ZC3H8: variants seen among roughly 807,000 people sequenced by gnomAD.
ZC3H8 encodes zinc finger CCCH domain-containing protein 8.
In ZC3H8, 27 loss-of-function variants were observed where a neutral mutation model predicts 42.5. The observed-to-expected ratio is 0.64, with a 90% CI of 0.47 to 0.88. The LOEUF is 0.88. Among genes scored for constraint, ZC3H8 ranks in the 40% least tolerant of loss-of-function variants. The pLI is 0.00. For synonymous variants in ZC3H8, 101 were observed against 110.1 expected (o/e 0.92, Z 0.52); for missense variants, 277 against 336.1 (o/e 0.82, Z 1.37).
At position 112,241,009 on chromosome 2, in the gene ZC3H8, T is replaced by TTGTG. The variant is rs3048247; in HGVS notation, c.157-2485_157-2482dup. ...TGCGCGTGTGTATGTGTGTTGTGTT[T>TTGTG]TGTGTGTGTGTGTGTGTGTGTATGG... On this transcript the variant is annotated intron_variant, in intron 2 of 8. Transcript: ENST00000409573. 9.5e-3 allele frequency among the ~76,000 whole-genome samples: 1,389 copies of TTGTG among 145,544 alleles called. 16 individuals are homozygous for TTGTG. Among genetic ancestry groups the TTGTG allele is most frequent in the African/African-American group, 0.024 (941 of 39,398 alleles).
intron 4 of ZC3H8, among the ~76,000 whole-genome samples, chr2:112,235,658 G>C (rs1043473108): frequency 2.0e-5 from 3 of 152,076 alleles, no homozygotes; most frequent in Non-Finnish European, 4.4e-5. Flanking sequence ...CAGAAAAGTG[G>C]AATCCAGAAG....
At chr2:112,247,480 G>A (rs578192052) in intron 2 of ZC3H8, among the ~76,000 whole-genome samples, 88 of 152,350 alleles carry the variant, frequency 5.8e-4, no homozygotes, top group Non-Finnish European at 1.1e-3. Flanking sequence ...TCGGGAGGCT[G>A]AGGCAGGAGA....
chr2:112,247,884 G>A lies in ZC3H8; in HGVS notation c.156+2307C>T, dbSNP rs183531855. The stretch of plus-strand genomic sequence containing the variant: ...AAAAAACTTGTGGGAAGTTGAAGTT[G>A]CAATTTCTTGTCGTCAACCTTGGCT... On this transcript the variant is annotated intron_variant, in intron 2 of 8. Coordinates refer to ENST00000409573, the MANE Select transcript of ZC3H8 (RefSeq NM_032494.3). Among the ~76,000 whole-genome samples, 108 of 152,314 alleles carry A rather than the reference G, an allele frequency of 7.1e-4. 1 individual carries two copies. Among genetic ancestry groups the A allele is most frequent in the African/African-American group, 2.5e-3 (105 of 41,564 alleles).
rs1684849729 is a variant in ZC3H8 at position 112,226,588 on chromosome 2, T to TAAAAAAAA, written c.*15+4314_*15+4315insTTTTTTTT. On this transcript the variant is annotated intron_variant, in intron 8 of 8. Coordinates refer to ENST00000409573, the MANE Select transcript of ZC3H8 (RefSeq NM_032494.3). The stretch of plus-strand genomic sequence containing the variant: ...TGGGCAACAGAGCCAAGACTCCATC[T>TAAAAAAAA]CAAAAAAAAAAAAAAAAGCTCAGGC... 5.5e-4 allele frequency among the ~76,000 whole-genome samples: 6 copies of TAAAAAAAA among 10,816 alleles called. 1 individual carries two copies. Among genetic ancestry groups the TAAAAAAAA allele is most frequent in the African/African-American group, 4.8e-3 (4 of 830 alleles). 7.1% of individuals were successfully genotyped at this position (10,816 alleles called of 152,430 possible).
At chr2:112,220,037 G>C (rs1392515621) in intron 8 of ZC3H8, among the ~76,000 whole-genome samples, 1 of 152,088 alleles carries the variant, frequency 6.6e-6, no homozygotes, top group Non-Finnish European at 1.5e-5. Flanking sequence ...TGAGCCTAAG[G>C]GCGTCATTGC....
rs767521095 is a variant in ZC3H8 at position 112,233,413 on chromosome 2, TAGTCA to T, written c.622-47_622-43del. 18 of 1,283,534 alleles carry T rather than the reference TAGTCA, an allele frequency of 1.4e-5. No homozygotes were observed. The East Asian group carries it at 4.2e-4, about 30-fold the overall frequency. 79.5% of individuals were successfully genotyped at this position (1,283,534 alleles called of 1,614,324 possible). ...AGCAAGGAAAAGCCATTATTTCTCATAGTCAAGTCATTATGATTTAATTCCTACTA... is the reference window on the plus strand; with the variant it reads ...AGCAAGGAAAAGCCATTATTTCTCATAGTCATTATGATTTAATTCCTACTA... On this transcript the variant is annotated intron_variant, in intron 5 of 8. Transcript: ENST00000409573.
intron 2 of ZC3H8, among the ~76,000 whole-genome samples, chr2:112,247,753 T>A (rs976658103): frequency 2.3e-4 from 35 of 152,212 alleles, no homozygotes; most frequent in Non-Finnish European, 8.8e-5. Context: ...AGTTGTAGAA[T>A]GTTGTTTCTG....
Position 112,229,331 on chromosome 2 carries a change from T to A in ZC3H8, c.*15+1572A>T, listed in dbSNP as rs191589557. 7.2e-5 allele frequency among the ~76,000 whole-genome samples: 11 copies of A among 152,354 alleles called. No individual in the cohort carries two copies. The East Asian group carries it at 1.9e-3, about 27-fold the overall frequency. On this transcript the variant is annotated intron_variant, in intron 8 of 8. Transcript: ENST00000409573. Reference sequence around the variant, plus strand: ...AAAAAAGTCTATTAGTATTATTTTTTCTTTTCTCCCTAGAGTTACAGTTAT... The same window carrying A: ...AAAAAAGTCTATTAGTATTATTTTTACTTTTCTCCCTAGAGTTACAGTTAT...
chr2:112,237,132 C>T (rs1019199465), intron 3 of ZC3H8, among the ~76,000 whole-genome samples: 1 of 152,140 alleles, frequency 6.6e-6, no homozygotes, highest in South Asian at 2.1e-4. Context: ...TAAGTGAAAA[C>T]TGGCATGATA....
chr2:112,253,857 T>C (rs998083306), intron 1 of ZC3H8: 2 of 152,078 alleles, frequency 1.3e-5, no homozygotes, highest in Non-Finnish European at 2.9e-5. Context: ...TGCAAGTAAT[T>C]AGTGTATCTG....
At chr2:112,254,357 T>C (rs532500767) in intron 1 of ZC3H8, among the ~76,000 whole-genome samples, 1 of 152,352 alleles carries the variant, frequency 6.6e-6, no homozygotes, top group African/African-American at 2.4e-5. Context: ...TAAGTCCAAA[T>C]GACGTCTGTT....
In ZC3H8 at chr2:112,214,730, G is replaced by T. The variant is rs1374898348; in HGVS notation, c.*1754C>A. 6.6e-6 allele frequency: 1 copy of T among 152,252 alleles called. No homozygotes were observed. Among genetic ancestry groups the T allele is most frequent in the Non-Finnish European group, 1.5e-5 (1 of 68,126 alleles). 9.4% of individuals were successfully genotyped at this position (152,252 alleles called of 1,614,324 possible). On this transcript the variant is annotated 3_prime_UTR_variant, in exon 9 of 9. Transcript: ENST00000409573. ...AGGAACCAGAGCAAACTGTACAGAG[G>T]AAAGGGGAGAATGGAGGCCAGTGAT...
At chr2:112,234,028 G>T in intron 5 of ZC3H8, 92 bp downstream of exon 5, 2 of 732,630 alleles carry the variant, frequency 2.7e-6, no homozygotes, top group African/African-American at 1.9e-5. Context: ...GAATGAAACA[G>T]CTTTAAAAAC....
At chr2:112,233,181 G>A (rs1685166131) in intron 6 of ZC3H8, 79 bp downstream of exon 6, 3 of 873,264 alleles carry the variant, frequency 3.4e-6, no homozygotes, top group South Asian at 3.9e-5. Context: ...CTAAAACACT[G>A]GTTTCATTAA....
chr2:112,254,838 T>A, intron 1 of ZC3H8, 70 bp downstream of exon 1: 1 of 1,540,426 alleles, frequency 6.5e-7, no homozygotes, highest in Non-Finnish European at 8.8e-7. Context: ...CTGCCTCCAA[T>A]CCAGAAGAAA....
chr2:112,231,934 A>G lies in ZC3H8; in HGVS notation c.747T>C (p.Cys249=). The G allele has an allele frequency of 6.4e-7, 1 of 1,566,688 alleles. No homozygotes were observed. The highest frequency in any genetic ancestry group is 8.7e-7 in the Non-Finnish European group (1 of 1,148,810). ...ATTTTGTTCCTGTATGGTAAAACTT[A>G]CAAGGATATTCATGTAACCCAAGTG... ...NCLYLHNEYP[C]KFYHTGTKCY... The change falls in exon 7 of 9, where the codon TGT becomes TGC. Residue 249 remains cysteine (C), a synonymous_variant. Coordinates refer to ENST00000409573, the MANE Select transcript of ZC3H8 (RefSeq NM_032494.3).
intron 1 of ZC3H8, among the ~76,000 whole-genome samples, chr2:112,253,171 C>G (rs1275857660): frequency 6.6e-6 from 1 of 151,964 alleles, no homozygotes; most frequent in Non-Finnish European, 1.5e-5. Flanking sequence ...TACTCCCTCC[C>G]TACCATCCCA....
chr2:112,233,022 G>C (rs1227604459), intron 6 of ZC3H8, among the ~76,000 whole-genome samples: 1 of 152,112 alleles, frequency 6.6e-6, no homozygotes. Context: ...AGGTCTCATG[G>C]ACCCTCTATA....
At chr2:112,226,212 C>T (rs906305410) in intron 8 of ZC3H8, among the ~76,000 whole-genome samples, 2 of 150,882 alleles carry the variant, frequency 1.3e-5, no homozygotes, top group Admixed American at 1.3e-4. Flanking sequence ...TACAAATTAC[C>T]AAAGCTGTTT....
Sources: allele counts gnomAD v4.1 joint callset (sites outside exome capture counted in the v4.1 genomes callset), GRCh38; gene constraint gnomAD v4.1.1; transcripts MANE v1.5; gene names NCBI Gene and HGNC (gene_info 2026-07-23, HGNC 2026-07-21).